DPP6: variants seen among roughly 807,000 people sequenced by gnomAD.
DPP6 encodes A-type potassium channel modulatory protein DPP6.
Under a neutral mutation model 122.6 loss-of-function variants are expected in DPP6, and 69 were observed. That is an observed-to-expected ratio of 0.56 (90% confidence interval 0.46 to 0.69). The LOEUF (loss-of-function observed/expected upper bound fraction) is 0.69. Ranked by LOEUF, DPP6 falls within the 30% of genes least tolerant of loss-of-function variation. The probability of loss-of-function intolerance (pLI) is 0.00; values close to 1 mark genes in which losing one functional copy is unlikely to be tolerated. For missense variants in DPP6, 928 were observed against 1,116.9 expected, an observed-to-expected ratio of 0.83 and a Z score of 2.41; for synonymous variants, 418 against 433.1, an observed-to-expected ratio of 0.97 and a Z score of 0.43.
At chr7:154,561,452 T>C (rs750343565) in intron 4 of DPP6, among the ~76,000 whole-genome samples, 9 of 152,220 alleles carry the variant, frequency 5.9e-5, no homozygotes, top group Non-Finnish European at 1.3e-4. Flanking sequence ...ATATCTGGAA[T>C]GTATCTTGAT....
At position 154,677,330 on chromosome 7, in the gene DPP6, C is replaced by T. The variant is rs979586973; in HGVS notation, c.762+7889C>T. ...CAGCGGGCACTGCTTCCTCCCAGAA[C>T]CGTGTCTTGACACTTTTTTCTATGA... On this transcript the variant is annotated intron_variant, in intron 7 of 25. Transcript: ENST00000377770. Among the ~76,000 whole-genome samples, 10 of 152,270 alleles carry T rather than the reference C, an allele frequency of 6.6e-5. 1 individual carries two copies. Among genetic ancestry groups the T allele is most frequent in the Middle Eastern group, 6.8e-3 (2 of 294 alleles).
intron 8 of DPP6, among the ~76,000 whole-genome samples, chr7:154,746,669 A>G (rs557751940): frequency 6.6e-6 from 1 of 152,302 alleles, no homozygotes; most frequent in South Asian, 2.1e-4. Flanking sequence ...GGTTCACTCA[A>G]TTTTCAACTT....
intron 1 of DPP6, among the ~76,000 whole-genome samples, chr7:153,926,978 A>C (rs773331949): frequency 2.0e-5 from 3 of 152,066 alleles, no homozygotes; most frequent in Non-Finnish European, 4.4e-5. Flanking sequence ...AAATTCTGTC[A>C]TGCTGATATT....
chr7:154,227,034 C>G (rs1214450094), intron 1 of DPP6, among the ~76,000 whole-genome samples: 1 of 150,586 alleles, frequency 6.6e-6, no homozygotes, highest in Non-Finnish European at 1.5e-5. Flanking sequence ...GTCAAAAAAT[C>G]AAAAATAGAT....
At chr7:154,648,116 C>A (rs554469430) in intron 6 of DPP6, among the ~76,000 whole-genome samples, 10 of 150,164 alleles carry the variant, frequency 6.7e-5, no homozygotes, top group Middle Eastern at 3.4e-3. Context: ...AAAAATTAGC[C>A]GGGCATGGTG....
chr7:153,813,758 G>A, the DPP6 span, among the ~76,000 whole-genome samples: 2 of 151,422 alleles, frequency 1.3e-5, no homozygotes, highest in African/African-American at 4.8e-5. Flanking sequence ...GTTTTGATTT[G>A]CATTTCTCTG....
intron 1 of DPP6, among the ~76,000 whole-genome samples, chr7:154,387,300 T>C (rs1384036136): frequency 1.3e-5 from 2 of 150,124 alleles, no homozygotes; most frequent in African/African-American, 4.9e-5. Flanking sequence ...TGACACACAG[T>C]CCTTGCCCTC....
chr7:154,077,014 G>C (rs1171810750), intron 1 of DPP6, among the ~76,000 whole-genome samples: 1 of 152,106 alleles, frequency 6.6e-6, no homozygotes. Context: ...TTCTTGTTCT[G>C]GTGCTATAAT....
chr7:154,252,996 A>T (rs1802442899), intron 1 of DPP6, among the ~76,000 whole-genome samples: 2 of 152,240 alleles, frequency 1.3e-5, no homozygotes, highest in Admixed American at 6.5e-5. Flanking sequence ...TAATGCAAGG[A>T]ATATTGGGTA....
At chr7:153,944,664 G>GTTTT (rs139824215) in intron 1 of DPP6, among the ~76,000 whole-genome samples, 4,400 of 106,438 alleles carry the variant, frequency 0.041, 191 homozygotes, top group East Asian at 0.087. Flanking sequence ...TTTTGTGTGG[G>GTTTT]TTTTTTTTTT....
intron 1 of DPP6, among the ~76,000 whole-genome samples, chr7:154,005,220 C>T (rs1797862157): frequency 1.3e-5 from 2 of 152,184 alleles, no homozygotes; most frequent in Non-Finnish European, 2.9e-5. Context: ...GTTCCTACCC[C>T]AAGAAAATAA....
chr7:154,546,159 G>C (rs377461867), intron 4 of DPP6, among the ~76,000 whole-genome samples: 2 of 150,220 alleles, frequency 1.3e-5, no homozygotes, highest in African/African-American at 5.0e-5. Flanking sequence ...AGCTATGAAG[G>C]GTATGTAGCG....
chr7:154,541,271 CA>C (rs1442285081), intron 4 of DPP6, among the ~76,000 whole-genome samples: 7 of 152,310 alleles, frequency 4.6e-5, no homozygotes, highest in African/African-American at 1.7e-4. Flanking sequence ...GCTGGGACTA[CA>C]GGCGTGTGCC....
the DPP6 span, among the ~76,000 whole-genome samples, chr7:153,871,661 G>C: frequency 6.6e-6 from 1 of 152,056 alleles, no homozygotes; most frequent in Non-Finnish European, 1.5e-5. Context: ...CCACTGTCCT[G>C]CACCCACTGT....
chr7:154,075,918 C>T (rs1487153909), intron 1 of DPP6, among the ~76,000 whole-genome samples: 3 of 151,574 alleles, frequency 2.0e-5, no homozygotes, highest in African/African-American at 4.8e-5. Context: ...TTTAATGCTC[C>T]TTTCCTAATT....
At chr7:154,057,080 C>T (rs1800890569) in intron 1 of DPP6, among the ~76,000 whole-genome samples, 1 of 152,194 alleles carries the variant, frequency 6.6e-6, no homozygotes, top group Admixed American at 6.5e-5. Flanking sequence ...CCCAGTGGCC[C>T]CTACAAAGTG....
chr7:154,368,850 T>C (rs1360178810), intron 1 of DPP6, among the ~76,000 whole-genome samples: 2 of 152,232 alleles, frequency 1.3e-5, no homozygotes, highest in African/African-American at 4.8e-5. Context: ...TCAAAGAGCA[T>C]GTTAATATAA....
At chr7:154,288,218 G>A (rs1273127578) in intron 1 of DPP6, among the ~76,000 whole-genome samples, 1 of 152,244 alleles carries the variant, frequency 6.6e-6, no homozygotes, top group Non-Finnish European at 1.5e-5. Flanking sequence ...AGCCTGCTGA[G>A]CTCTGCTGTG....
At chr7:154,170,919 TC>T (rs1329130538) in intron 1 of DPP6, among the ~76,000 whole-genome samples, 1 of 152,146 alleles carries the variant, frequency 6.6e-6, no homozygotes, top group East Asian at 1.9e-4. Context: ...TTCTTAGCAC[TC>T]CCTCGGTGGG....
Sources: allele counts gnomAD v4.1 joint callset (sites outside exome capture counted in the v4.1 genomes callset), GRCh38; gene constraint gnomAD v4.1.1; transcripts MANE v1.5; gene names NCBI Gene and HGNC (gene_info 2026-07-23, HGNC 2026-07-21).